Variants in HECW1 observed in about 807,000 individuals in gnomAD.
HECW1 encodes the protein E3 ubiquitin-protein ligase HECW1.
HECW1 carries 61 observed loss-of-function variants against 182.3 expected under a neutral mutation model. The observed-to-expected ratio is 0.33, with a 90% CI of 0.27 to 0.41. The LOEUF (loss-of-function observed/expected upper bound fraction) is 0.41, where lower values mean the gene tolerates loss of function less well. Among genes scored for constraint, HECW1 ranks in the 10% least tolerant of loss-of-function variants. HECW1 has a pLI of 1.00. For missense variants in HECW1, 1,739 were observed against 2,108.9 expected (o/e 0.82, Z 3.44); for synonymous variants, 859 against 832.6 (o/e 1.03, Z -0.55).
At chr7:43,166,338 G>C (rs535207094) in intron 2 of HECW1, among the ~76,000 whole-genome samples, 428 of 152,250 alleles carry the variant, frequency 2.8e-3, no homozygotes, top group African/African-American at 0.01. Context: ...ACCTGCCTTG[G>C]CCTCCCAAAG....
intron 3 of HECW1, among the ~76,000 whole-genome samples, chr7:43,264,460 A>C (rs1002801452): frequency 6.6e-6 from 1 of 152,176 alleles, no homozygotes; most frequent in African/African-American, 2.4e-5. Flanking sequence ...TCCATTTTCT[A>C]TGTATACCAC....
At chr7:43,227,627 CTA>C (rs1209024702) in intron 2 of HECW1, among the ~76,000 whole-genome samples, 1 of 152,108 alleles carries the variant, frequency 6.6e-6, no homozygotes, top group African/African-American at 2.4e-5. Context: ...AAAATATCCT[CTA>C]TTTTTCTGTT....
In HECW1 at chr7:43,442,511, G is replaced by A. The variant is rs533343044; in HGVS notation, c.945-18G>A. On this transcript the variant is annotated intron_variant, in intron 9 of 29. Transcript: ENST00000395891. Reference sequence around the variant, plus strand: ...AGAGGTATTGACCAGAACTGTGATGGTGCTTATTTCCTTCTAGGGATAGGG... The same window carrying A: ...AGAGGTATTGACCAGAACTGTGATGATGCTTATTTCCTTCTAGGGATAGGG... 1.9e-5 allele frequency: 29 copies of A among 1,567,172 alleles called. No individual in the cohort carries two copies. Among genetic ancestry groups the A allele is most frequent in the African/African-American group, 1.1e-4 (8 of 74,100 alleles).
At chr7:43,239,390 A>G (rs921776500) in intron 2 of HECW1, among the ~76,000 whole-genome samples, 3 of 152,192 alleles carry the variant, frequency 2.0e-5, no homozygotes, top group African/African-American at 4.8e-5. Flanking sequence ...CATATATGGG[A>G]ATGCACACAC....
chr7:43,361,626 A>C (rs533147841), intron 6 of HECW1, among the ~76,000 whole-genome samples: 1 of 152,156 alleles, frequency 6.6e-6, no homozygotes, highest in East Asian at 1.9e-4. Flanking sequence ...CCATCTTCCT[A>C]AGTTACAATC....
At chr7:43,258,945 GTTTTGTTTTT>G (rs1055248026) in intron 3 of HECW1, among the ~76,000 whole-genome samples, 1 of 151,840 alleles carries the variant, frequency 6.6e-6, no homozygotes, top group African/African-American at 2.4e-5. Flanking sequence ...GTTTTGTTTT[GTTTTGTTTTT>G]GTTTTTACCA....
At chr7:43,542,483 T>G (rs1215496181) in intron 26 of HECW1, among the ~76,000 whole-genome samples, 2 of 151,288 alleles carry the variant, frequency 1.3e-5, no homozygotes, top group Non-Finnish European at 2.9e-5. Context: ...AAATATTCCT[T>G]CCTTTTTAAA....
chr7:43,182,870 T>C lies in HECW1; in HGVS notation c.-31-61005T>C, dbSNP rs140867237. ...TTCAATTTCTTTCATCAGAGTTTTA[T>C]GGTTTTAAATGTAGAGATCTTTCAC... is the stretch of plus-strand genomic sequence containing the variant. On this transcript the variant is annotated intron_variant, in intron 2 of 29. Transcript: ENST00000395891. Among the ~76,000 whole-genome samples, 478 of 152,318 alleles carry C rather than the reference T, an allele frequency of 3.1e-3. 2 individuals carry two copies. Among genetic ancestry groups the C allele is most frequent in the African/African-American group, 0.011 (459 of 41,576 alleles).
chr7:43,424,097 G>A (rs1033020610), intron 8 of HECW1, among the ~76,000 whole-genome samples: 1 of 152,098 alleles, frequency 6.6e-6, no homozygotes, highest in Non-Finnish European at 1.5e-5. Flanking sequence ...TACATAAAAC[G>A]GCCACAGCAG....
rs185056071 is a variant in HECW1 at position 43,325,552 on chromosome 7, T to C, written c.460+4810T>C. On this transcript the variant is annotated intron_variant, in intron 5 of 29. Transcript: ENST00000395891. Reference sequence around the variant, plus strand: ...TTAGTAGGAAGAACTGGGCAGTGTGTCTGGACTGACCTCTGATTACAGCAA... The same window carrying C: ...TTAGTAGGAAGAACTGGGCAGTGTGCCTGGACTGACCTCTGATTACAGCAA... Among the ~76,000 whole-genome samples the C allele has an allele frequency of 1.9e-3, 288 of 152,332 alleles. 1 individual carries two copies. The highest frequency in any genetic ancestry group is 6.4e-3 in the African/African-American group (264 of 41,574).
intron 3 of HECW1, among the ~76,000 whole-genome samples, chr7:43,257,532 G>T (rs955193608): frequency 2.0e-5 from 3 of 152,122 alleles, no homozygotes; most frequent in African/African-American, 7.2e-5. Context: ...TGATGGAGGG[G>T]TAGCAGCAAA....
At chr7:43,375,211 G>A (rs969704444) in intron 6 of HECW1, among the ~76,000 whole-genome samples, 13 of 152,064 alleles carry the variant, frequency 8.5e-5, no homozygotes, top group Non-Finnish European at 1.2e-4. Context: ...ACTGTCGGAC[G>A]CCTGGAAAAT....
intron 24 of HECW1, among the ~76,000 whole-genome samples, chr7:43,523,572 G>A (rs191386026): frequency 7.7e-4 from 117 of 152,248 alleles, no homozygotes; most frequent in Non-Finnish European, 1.4e-3. Context: ...CCGGGAGGTG[G>A]AGGTTGCAGT....
intron 3 of HECW1, among the ~76,000 whole-genome samples, chr7:43,244,909 C>A (rs764352720): frequency 5.9e-5 from 9 of 152,234 alleles, no homozygotes; most frequent in Non-Finnish European, 1.0e-4. Context: ...CTGAGATGTT[C>A]AGTGTGTGCC....
intron 17 of HECW1, among the ~76,000 whole-genome samples, chr7:43,481,878 C>T (rs2078447686): frequency 1.6e-5 from 2 of 122,280 alleles, no homozygotes; most frequent in Admixed American, 9.1e-5. Context: ...CCCAGCTACT[C>T]GGGAGGCTGA....
rs759607369 is a variant in HECW1, at chr7:43,444,008, T to C, written c.1046-210T>C. ...TTTTGAATCGTATTTCGGAAATATA[T>C]CCATGACTGCAAGTTGTTGTTAACA... On this transcript the variant is annotated intron_variant, in intron 10 of 29. Transcript: ENST00000395891. The surrounding 1 kb of genome is among the most constrained non-coding windows in gnomAD (Gnocchi z 4.3). Among the ~76,000 whole-genome samples the C allele has an allele frequency of 2.5e-4, 38 of 152,310 alleles. No homozygotes were observed. The highest frequency in any genetic ancestry group is 5.2e-4 in the Admixed American group (8 of 15,296).
intron 2 of HECW1, among the ~76,000 whole-genome samples, chr7:43,126,067 C>CTTTTTT (rs71008891): frequency 9.6e-6 from 1 of 103,984 alleles, no homozygotes; most frequent in Non-Finnish European, 1.8e-5. Flanking sequence ...TTTGTTCTCA[C>CTTTTTT]TTTTTTTTTT....
intron 24 of HECW1, among the ~76,000 whole-genome samples, chr7:43,517,756 C>T (rs551000686): frequency 3.3e-5 from 5 of 152,116 alleles, no homozygotes; most frequent in African/African-American, 4.8e-5. Flanking sequence ...GGTTCTTTCA[C>T]GAACACCTAC....
In HECW1 at chr7:43,561,996, C is replaced by T. The variant is rs991600991; in HGVS notation, c.*70C>T. The T allele has an allele frequency of 4.4e-5, 39 of 881,874 alleles. No individual in the cohort carries two copies. In the Middle Eastern group the frequency reaches 7.0e-4, roughly 16 times the overall value. 54.6% of individuals were successfully genotyped at this position (881,874 alleles called of 1,614,324 possible). On this transcript the variant is annotated 3_prime_UTR_variant, in exon 30 of 30. Transcript: ENST00000395891. Reference sequence around the variant, plus strand: ...CCTTCCTGGGATGATCCCCTTTTCCCTTTCCCTTAATCAACTCTCCTTTGA... The same window carrying T: ...CCTTCCTGGGATGATCCCCTTTTCCTTTTCCCTTAATCAACTCTCCTTTGA...
Sources: gnomAD v4.1 joint callset for allele counts (sites outside exome capture counted in the v4.1 genomes callset) on GRCh38, gnomAD v4.1.1 for gene constraint, Gnocchi (gnomAD v3.1) non-coding constraint, MANE v1.5 for transcripts, NCBI Gene and HGNC (gene_info 2026-07-23, HGNC 2026-07-21) for gene names.